Variants in SRFBP1 observed in about 807,000 individuals in gnomAD.
SRFBP1 encodes the protein serum response factor-binding protein 1.
In SRFBP1, 47 loss-of-function variants were observed where a neutral mutation model predicts 45.5. That is an observed-to-expected ratio of 1.03 (90% confidence interval 0.82 to 1.32). The LOEUF (loss-of-function observed/expected upper bound fraction) is 1.32. Among genes scored for constraint, SRFBP1 ranks in the 40% most tolerant of loss-of-function variants. The pLI is 0.00. For synonymous variants in SRFBP1, 203 were observed against 166.3 expected (o/e 1.22, Z -1.70); for missense variants, 621 against 484.6 (o/e 1.28, Z -2.64).
At chr5:122,077,077 T>C (rs1580567214), downstream of SRFBP1, 1 of 1,573,000 alleles carries the variant, frequency 6.4e-7, no homozygotes, top group Admixed American at 1.8e-5. The surrounding 1 kb of genome is among the most constrained non-coding windows in gnomAD (Gnocchi z 4.9). Flanking sequence ...CCCCTCTAGG[T>C]CCCTTACTCC....
chr5:122,024,660 T>C (rs1231314001), intron 7 of SRFBP1, among the ~76,000 whole-genome samples: 1 of 152,218 alleles, frequency 6.6e-6, no homozygotes, highest in Non-Finnish European at 1.5e-5. Context: ...ATATTCTGAT[T>C]GTATGCCTAA....
intron 1 of SRFBP1, among the ~76,000 whole-genome samples, chr5:121,968,772 C>T (rs1236579044): frequency 3.3e-5 from 5 of 152,114 alleles, no homozygotes; most frequent in African/African-American, 1.2e-4. Context: ...TTGTCTGTTT[C>T]CTCCAACTTC....
intron 2 of SRFBP1, among the ~76,000 whole-genome samples, chr5:122,037,463 T>C (rs1203496711): frequency 6.6e-6 from 1 of 152,192 alleles, no homozygotes; most frequent in Non-Finnish European, 1.5e-5. Flanking sequence ...GTTTTCCTCT[T>C]GTATTTTTAT....
chr5:122,002,921 A>C (rs756260095), intron 4 of SRFBP1, among the ~76,000 whole-genome samples: 2 of 152,232 alleles, frequency 1.3e-5, no homozygotes, highest in Non-Finnish European at 1.5e-5. Context: ...CTCTACAATT[A>C]ATTGATGTTA....
At chr5:121,995,644 G>A (rs1002432248) in intron 4 of SRFBP1, among the ~76,000 whole-genome samples, 1 of 151,978 alleles carries the variant, frequency 6.6e-6, no homozygotes, top group African/African-American at 2.4e-5. Flanking sequence ...CTAGCAGAAG[G>A]CAAGAAATAA....
At chr5:122,036,775 C>T (rs192391893) in intron 2 of SRFBP1, among the ~76,000 whole-genome samples, 1 of 152,060 alleles carries the variant, frequency 6.6e-6, no homozygotes, top group East Asian at 1.9e-4. Flanking sequence ...TGCCCCTGCC[C>T]CTGTTTTGTC....
At chr5:121,984,300 C>T (rs976574469) in intron 3 of SRFBP1, among the ~76,000 whole-genome samples, 6 of 151,828 alleles carry the variant, frequency 4.0e-5, no homozygotes, top group African/African-American at 1.4e-4. Flanking sequence ...CTGCACTAAA[C>T]AGAAATTACC....
At chr5:121,975,515 G>A in intron 3 of SRFBP1, 128 bp downstream of exon 3, 1 of 976,408 alleles carries the variant, frequency 1.0e-6, no homozygotes, top group South Asian at 1.5e-5. Context: ...GTATCAGTCT[G>A]TTTGGTGAAG....
intron 1 of SRFBP1, among the ~76,000 whole-genome samples, chr5:121,963,486 A>T (rs577282534): frequency 3.3e-5 from 5 of 152,250 alleles, no homozygotes; most frequent in Admixed American, 1.3e-4. Context: ...AATGACTTTG[A>T]TGATGGAAAT....
chr5:122,074,250 G>T, intron 2 of SRFBP1: 1 of 1,216,178 alleles, frequency 8.2e-7, no homozygotes, highest in Non-Finnish European at 1.2e-6. Flanking sequence ...TTCCCCCATG[G>T]CTTCACAAAT....
intron 2 of SRFBP1, among the ~76,000 whole-genome samples, chr5:122,061,397 A>G (rs1018743834): frequency 1.3e-5 from 2 of 151,944 alleles, no homozygotes; most frequent in East Asian, 3.9e-4. Context: ...TTTTGGTTAT[A>G]TAGCTCTATT....
intron 2 of SRFBP1, among the ~76,000 whole-genome samples, chr5:122,056,815 C>T (rs1754087536): frequency 6.6e-6 from 1 of 152,128 alleles, no homozygotes; most frequent in Non-Finnish European, 1.5e-5. Flanking sequence ...TAAAGTCCCT[C>T]TGTGTCCACA....
chr5:121,979,584 T>C (rs1298317831), intron 3 of SRFBP1, among the ~76,000 whole-genome samples: 1 of 152,184 alleles, frequency 6.6e-6, no homozygotes, highest in African/African-American at 2.4e-5. Context: ...TGTGAGCCAA[T>C]ACAAATAATC....
intron 2 of SRFBP1, among the ~76,000 whole-genome samples, chr5:122,047,970 A>G (rs976248228): frequency 2.0e-5 from 3 of 152,202 alleles, no homozygotes; most frequent in Admixed American, 2.0e-4. Flanking sequence ...TTTTCTAGGT[A>G]TACAATCATG....
At chr5:121,999,915 T>A (rs1752821067) in intron 4 of SRFBP1, among the ~76,000 whole-genome samples, 1 of 152,138 alleles carries the variant, frequency 6.6e-6, no homozygotes, top group Non-Finnish European at 1.5e-5. Context: ...TTAAGTGGTA[T>A]GTTTAAGCCA....
In SRFBP1 at chr5:122,070,528, A is replaced by G. The variant is rs762424348; in HGVS notation, n.312-4787A>G. ...ATAGTTTCCAGGTTTTACATCTGTA[A>G]TATCAATCCACTGGCAGTCTATGTC... On this transcript the variant is annotated intron_variant and non_coding_transcript_variant, in intron 2 of 2. Coordinates refer to the SRFBP1 transcript ENST00000504881. 6.2e-7 allele frequency: 1 copy of G among 1,608,472 alleles called. No individual in the cohort carries two copies. Among genetic ancestry groups the G allele is most frequent in the Admixed American group, 1.7e-5 (1 of 59,868 alleles).
intron 2 of SRFBP1, among the ~76,000 whole-genome samples, chr5:122,038,133 T>C (rs1204244503): frequency 2.0e-5 from 3 of 152,342 alleles, no homozygotes; most frequent in African/African-American, 7.2e-5. Context: ...CCATTTGGAC[T>C]TAAGTGATCA....
chr5:122,007,936 G>A (rs1480004314), intron 4 of SRFBP1, among the ~76,000 whole-genome samples: 1 of 152,046 alleles, frequency 6.6e-6, no homozygotes, highest in Non-Finnish European at 1.5e-5. Flanking sequence ...GTGCTTGGGT[G>A]GGCTTGAAGC....
rs552567368 is a variant in SRFBP1, at chr5:122,061,072, A to G, written n.312-14243A>G. Among the ~76,000 whole-genome samples, 47 of 152,208 alleles carry G rather than the reference A, an allele frequency of 3.1e-4. No homozygotes were observed. In the South Asian group the frequency reaches 7.0e-3, roughly 23 times the overall value. ...AAATAATTGAAAATTCTTGACTCCA[A>G]TATTAGCTGTGTGGCAATGGTTTAG... On this transcript the variant is annotated intron_variant and non_coding_transcript_variant, in intron 2 of 2. Transcript: ENST00000504881.
Sources: allele counts gnomAD v4.1 joint callset (sites outside exome capture counted in the v4.1 genomes callset), GRCh38; gene constraint gnomAD v4.1.1; non-coding constraint Gnocchi (gnomAD v3.1); transcripts MANE v1.5; gene names NCBI Gene and HGNC (gene_info 2026-07-23, HGNC 2026-07-21).